The following KANSL1 variants were observed in gnomAD, a reference collection of about 807,000 sequenced individuals.
KANSL1 encodes MLL1/MLL complex subunit KANSL1.
A neutral mutation model predicts 103.6 loss-of-function variants in KANSL1; 22 were observed. That is an observed-to-expected ratio of 0.21 (90% CI 0.15 to 0.30). The LOEUF (loss-of-function observed/expected upper bound fraction) is 0.30, where lower values mean the gene tolerates loss of function less well. Among genes scored for constraint, KANSL1 ranks in the 10% least tolerant of loss-of-function variants. The probability of loss-of-function intolerance (pLI) is 1.00; values close to 1 mark genes in which losing one functional copy is unlikely to be tolerated. For synonymous variants in KANSL1, 600 were observed against 527.6 expected (o/e 1.14, Z -1.88); for missense variants, 1,337 against 1,399.8 (o/e 0.96, Z 0.72).
intron 1 of KANSL1, among the ~76,000 whole-genome samples, chr17:46,215,760 G>A (rs1036800602): frequency 6.6e-6 from 1 of 152,232 alleles, no homozygotes; most frequent in Non-Finnish European, 1.5e-5. Flanking sequence ...CCATAAGATG[G>A]CCAGATGCAG....
chr17:46,056,267 A>G (rs62060764), intron 6 of KANSL1, among the ~76,000 whole-genome samples: 21,757 of 152,166 alleles, frequency 0.14, 2,107 homozygotes, highest in Non-Finnish European at 0.22. Context: ...CCAAAGTGCT[A>G]GAATAACAAG....
chr17:46,089,360 G>A (rs1192916243), intron 3 of KANSL1, among the ~76,000 whole-genome samples: 4 of 151,398 alleles, frequency 2.6e-5, no homozygotes, highest in Non-Finnish European at 4.4e-5. Flanking sequence ...AGAAACTGGT[G>A]TCTGGATCCT....
intron 1 of KANSL1, among the ~76,000 whole-genome samples, chr17:46,208,256 T>TA (rs1491026060): frequency 1.1e-4 from 16 of 152,236 alleles, no homozygotes; most frequent in Non-Finnish European, 1.3e-4. Flanking sequence ...GAGGGTCTTG[T>TA]ACCCATGATA....
chr17:46,099,929 C>A (rs1450825122), intron 2 of KANSL1, among the ~76,000 whole-genome samples: 4 of 147,996 alleles, frequency 2.7e-5, no homozygotes. Context: ...TACCTAAATG[C>A]AGTATCAATA....
At chr17:46,069,435 T>C (rs1285309906) in intron 4 of KANSL1, among the ~76,000 whole-genome samples, 1 of 152,166 alleles carries the variant, frequency 6.6e-6, no homozygotes, top group Non-Finnish European at 1.5e-5. Context: ...AAAGTAGTCC[T>C]AGACAAGCAT....
rs17653162 is a variant in KANSL1 at position 46,034,461 on chromosome 17, C to A, written c.2542-176G>T. 0.16 allele frequency: 94,679 copies of A among 590,062 alleles called. 9,537 individuals are homozygous for A. The highest frequency in any genetic ancestry group is 0.21 in the Middle Eastern group (451 of 2,104). 36.6% of individuals were successfully genotyped at this position (590,062 alleles called of 1,614,324 possible). A position where few individuals can be genotyped will look rare whatever the true frequency, so the allele number is the denominator to read the frequency against. On this transcript the variant is annotated intron_variant, in intron 10 of 14. Transcript: ENST00000432791. ...GAGTCAGTCTCCAACAGCAAAAAACCTCACGGAGAAATACCAGGTGGTCAT... is the reference window on the plus strand; with the variant it reads ...GAGTCAGTCTCCAACAGCAAAAAACATCACGGAGAAATACCAGGTGGTCAT...
chr17:46,169,229 T>C (rs1429651516), intron 2 of KANSL1, among the ~76,000 whole-genome samples: 1 of 152,254 alleles, frequency 6.6e-6, no homozygotes, highest in African/African-American at 2.4e-5. Context: ...TGAATTAAGC[T>C]ACTAATCCAT....
intron 1 of KANSL1, among the ~76,000 whole-genome samples, chr17:46,204,795 T>G (rs1597964726): frequency 6.6e-6 from 1 of 152,230 alleles, no homozygotes; most frequent in Non-Finnish European, 1.5e-5. Flanking sequence ...GCTTAACTTC[T>G]GAAAATCAAT....
intron 6 of KANSL1, among the ~76,000 whole-genome samples, chr17:46,064,920 T>A (rs1166372522): frequency 6.6e-6 from 1 of 152,082 alleles, no homozygotes; most frequent in Non-Finnish European, 1.5e-5. Flanking sequence ...TTAGGGTACA[T>A]GTGCACAACG....
intron 1 of KANSL1, chr17:46,221,528 C>T (rs2148069856): frequency 6.7e-6 from 1 of 149,020 alleles, no homozygotes; most frequent in Non-Finnish European, 1.5e-5. Flanking sequence ...TAATAATTTC[C>T]ATGAGAACTT....
intron 8 of KANSL1, 21 bp from the exon 9 acceptor site, chr17:46,039,236 A>C (rs375985116): frequency 1.3e-6 from 2 of 1,539,924 alleles, no homozygotes; most frequent in Admixed American, 2.3e-5. Context: ...GAACAGAAAA[A>C]GAGCTGTGAA....
chr17:46,196,635 C>T (rs1255639872), upstream of KANSL1: 1 of 323,644 alleles, frequency 3.1e-6, no homozygotes, highest in Non-Finnish European at 6.1e-6. Context: ...TTTCCAGCCA[C>T]ATTACAACAA....
At chr17:46,128,892 C>T (rs898101490) in intron 2 of KANSL1, among the ~76,000 whole-genome samples, 5 of 152,126 alleles carry the variant, frequency 3.3e-5, no homozygotes, top group Non-Finnish European at 5.9e-5. Flanking sequence ...GATGTGTTAT[C>T]GACACACTAT....
chr17:46,031,529 T>C lies in KANSL1; in HGVS notation c.3265A>G (p.Lys1089Glu). Residue 1089 changes from lysine (K) to glutamate (E), a missense_variant, in exon 15 of 15, where the codon AAG (lysine) becomes GAG (glutamate). Lys to Glu is a moderately conservative substitution (Grantham distance 56). This residue lies in a region of KANSL1 where 780 missense variants were observed against 923.4 expected (regional missense o/e 0.84). Transcript: ENST00000432791. ...GCTGCTGCCACCAGATGCCGACTCT[T>C]GAGGGGGACAATGGGAGGCGAGGTG... is the stretch of plus-strand genomic sequence containing the variant. ...APTSPPIVPL[K>E]SRHLVAAATA... 6.2e-7 allele frequency: 1 copy of C among 1,614,034 alleles called. No homozygotes were observed. The highest frequency in any genetic ancestry group is 8.5e-7 in the Non-Finnish European group (1 of 1,179,986).
At chr17:46,059,262 A>G (rs2078059660) in intron 6 of KANSL1, among the ~76,000 whole-genome samples, 1 of 152,080 alleles carries the variant, frequency 6.6e-6, no homozygotes, top group Non-Finnish European at 1.5e-5. Context: ...AAAGTCTCTG[A>G]AAAGGGCAGA....
At chr17:46,126,453 A>G (rs2043561554) in intron 2 of KANSL1, among the ~76,000 whole-genome samples, 4 of 152,010 alleles carry the variant, frequency 2.6e-5, no homozygotes. Flanking sequence ...AAAAAAAGTA[A>G]AAGTCTCCAT....
chr17:46,133,206 C>G (rs952996531), intron 2 of KANSL1, among the ~76,000 whole-genome samples: 1 of 152,148 alleles, frequency 6.6e-6, no homozygotes, highest in African/African-American at 2.4e-5. Flanking sequence ...CATTCAAATC[C>G]AAGTTGTATG....
Position 46,173,952 on chromosome 17 carries a change from G to C in KANSL1, c.-89-1720C>G, listed in dbSNP as rs557327620. ...AAAATGAACTAGAGCTTTGTTCATG[G>C]AACACGATTTTTACTTGGCAGAACT... On this transcript the variant is annotated intron_variant, in intron 1 of 14. Coordinates refer to ENST00000432791, the MANE Select transcript of KANSL1 (RefSeq NM_015443.4). Among the ~76,000 whole-genome samples, 78 of 152,342 alleles carry C rather than the reference G, an allele frequency of 5.1e-4. 1 individual carries two copies. Among genetic ancestry groups the C allele is most frequent in the African/African-American group, 1.8e-3 (74 of 41,568 alleles).
At chr17:46,097,969 T>C (rs1237839489) in intron 2 of KANSL1, among the ~76,000 whole-genome samples, 1 of 149,708 alleles carries the variant, frequency 6.7e-6, no homozygotes, top group Non-Finnish European at 1.5e-5. Flanking sequence ...GTGATAATTA[T>C]CAATTATGTC....
Sources: gnomAD v4.1 joint callset for allele counts (sites outside exome capture counted in the v4.1 genomes callset) on GRCh38, gnomAD v4.1.1 for gene constraint, gnomAD v4.1.1 regional missense constraint, MANE v1.5 for transcripts, NCBI Gene and HGNC (gene_info 2026-07-23, HGNC 2026-07-21) for gene names.